CLINT1: variants seen among roughly 807,000 people sequenced by gnomAD.
CLINT1 encodes clathrin interactor 1, also known as clathrin interacting protein localized in the trans-Golgi region.
A neutral mutation model predicts 70.4 loss-of-function variants in CLINT1; 15 were observed. That is an observed-to-expected ratio of 0.21 (90% CI 0.14 to 0.33). CLINT1 has a LOEUF of 0.33. CLINT1 is among the 10% of genes least tolerant of loss of function. CLINT1 has a pLI of 1.00. For missense variants in CLINT1, 615 were observed against 778.1 expected, an observed-to-expected ratio of 0.79 and a Z score of 2.49; for synonymous variants, 227 against 254.7, an observed-to-expected ratio of 0.89 and a Z score of 1.04.
chr5:157,841,702 C>G (rs1444598395), intron 1 of CLINT1, among the ~76,000 whole-genome samples: 2 of 152,114 alleles, frequency 1.3e-5, no homozygotes, highest in Non-Finnish European at 2.9e-5. Flanking sequence ...CTCATTGAAG[C>G]CTCCATCTGC....
At chr5:157,822,141 T>A (rs560997246) in intron 1 of CLINT1, among the ~76,000 whole-genome samples, 2 of 152,248 alleles carry the variant, frequency 1.3e-5, no homozygotes, top group East Asian at 3.9e-4. Flanking sequence ...TGGGAGATAA[T>A]TTGAATCATG....
chr5:157,842,837 TCA>T (rs1486890337), intron 1 of CLINT1, among the ~76,000 whole-genome samples: 2 of 152,248 alleles, frequency 1.3e-5, no homozygotes, highest in Non-Finnish European at 2.9e-5. Context: ...AACTTCAGAC[TCA>T]CATCGTTTTG....
Position 157,794,938 on chromosome 5 carries a change from G to C in CLINT1, c.1047C>G (p.Asp349Glu), listed in dbSNP as rs1483011967. ...TGCCTGATGCAGCAGCTGAGCCAAA[G>C]TCAGCAAATCCTCCGAATAAATCAG... ...GSADLFGGFADFGSAAASGSF... is the reference protein window; with the variant it reads ...GSADLFGGFAEFGSAAASGSF... Residue 349 changes from aspartate to glutamate, a missense_variant, in exon 9 of 12, where the codon GAC becomes GAG. Asp to Glu is a conservative substitution (Grantham distance 45, BLOSUM62 2). This residue lies in a region of CLINT1 where 374 missense variants were observed against 409.6 expected (regional missense o/e 0.91). Coordinates refer to ENST00000411809, the MANE Select transcript of CLINT1 (RefSeq NM_014666.4). 3.9e-6 allele frequency: 6 copies of C among 1,556,768 alleles called. No individual in the cohort carries two copies. The African/African-American group carries it at 6.8e-5, about 18-fold the overall frequency.
At chr5:157,855,209 T>C (rs936086088) in intron 1 of CLINT1, among the ~76,000 whole-genome samples, 5 of 145,188 alleles carry the variant, frequency 3.4e-5, no homozygotes, top group African/African-American at 5.1e-5. Context: ...ATATTACTCC[T>C]TGCAAGGAAA....
intron 1 of CLINT1, among the ~76,000 whole-genome samples, chr5:157,818,169 G>A (rs186076077): frequency 2.0e-4 from 30 of 152,158 alleles, no homozygotes; most frequent in Non-Finnish European, 2.8e-4. Context: ...GAGATTGTAC[G>A]ATGGACACTT....
chr5:157,842,590 A>C (rs1173572478), intron 1 of CLINT1, among the ~76,000 whole-genome samples: 1 of 152,206 alleles, frequency 6.6e-6, no homozygotes, highest in Non-Finnish European at 1.5e-5. Context: ...TTATTAGAAA[A>C]ACTTTGTTGA....
chr5:157,855,314 T>A (rs1019625933), intron 1 of CLINT1, among the ~76,000 whole-genome samples: 7 of 152,048 alleles, frequency 4.6e-5, no homozygotes, highest in African/African-American at 1.7e-4. Context: ...AGAGAGAAAA[T>A]AGAACTGCAG....
At chr5:157,820,247 G>A (rs376263061) in intron 1 of CLINT1, among the ~76,000 whole-genome samples, 9 of 152,068 alleles carry the variant, frequency 5.9e-5, no homozygotes, top group African/African-American at 1.7e-4. Context: ...CTAGAAGTTC[G>A]ATACCAGCCT....
At position 157,858,988 on chromosome 5, in the gene CLINT1, G is replaced by A. The variant is rs773382507; in HGVS notation, c.-18C>T. The A allele has an allele frequency of 2.5e-6, 4 of 1,606,322 alleles. No homozygotes were observed. The highest frequency in any genetic ancestry group is 3.4e-6 in the Non-Finnish European group (4 of 1,176,002). ...TTCAACATCGTGCCCCGCGCGGGAC[G>A]GTCCGCCGCCTCCCTCTCCTGCTCC... On this transcript the variant is annotated 5_prime_UTR_variant, in exon 1 of 12. Transcript: ENST00000411809.
chr5:157,817,423 T>A lies in CLINT1; in HGVS notation c.146+20A>T, dbSNP rs769403503. The A allele has an allele frequency of 1.3e-6, 2 of 1,484,788 alleles. No individual in the cohort carries two copies. The highest frequency in any genetic ancestry group is 3.7e-5 in the Admixed American group (2 of 53,904). 92.0% of individuals were successfully genotyped at this position (1,484,788 alleles called of 1,614,324 possible). ...ATGCTTTGATTTTTTTCTGCACTGC[T>A]GAGTCAAATTATCACTTACTTGGCA... is the stretch of plus-strand genomic sequence containing the variant. On this transcript the variant is annotated intron_variant, in intron 2 of 11. Coordinates refer to ENST00000411809, the MANE Select transcript of CLINT1 (RefSeq NM_014666.4).
chr5:157,788,775 C>A (rs559920267), intron 11 of CLINT1, among the ~76,000 whole-genome samples: 1 of 152,182 alleles, frequency 6.6e-6, no homozygotes, highest in Admixed American at 6.5e-5. Flanking sequence ...CAAGACCAGA[C>A]TGGACAACAG....
intron 9 of CLINT1, among the ~76,000 whole-genome samples, chr5:157,793,079 T>C (rs1264367338): frequency 1.3e-5 from 2 of 152,224 alleles, no homozygotes; most frequent in Non-Finnish European, 2.9e-5. Context: ...TACATTCTTC[T>C]ATTACCATAT....
At chr5:157,802,631 C>T (rs184316510) in intron 8 of CLINT1, among the ~76,000 whole-genome samples, 128 of 151,682 alleles carry the variant, frequency 8.4e-4, no homozygotes, top group Admixed American at 2.8e-3. Flanking sequence ...CTGCAACCTC[C>T]GCCTCCCGGG....
At chr5:157,845,243 G>C (rs1231117196) in intron 1 of CLINT1, among the ~76,000 whole-genome samples, 1 of 152,064 alleles carries the variant, frequency 6.6e-6, no homozygotes, top group East Asian at 1.9e-4. Context: ...CAGCTACTTG[G>C]GAGGCTGAGG....
At chr5:157,836,119 T>A (rs992659045) in intron 1 of CLINT1, among the ~76,000 whole-genome samples, 10 of 152,234 alleles carry the variant, frequency 6.6e-5, no homozygotes, top group Non-Finnish European at 1.5e-4. Context: ...AAGCCAAGAC[T>A]GCTTTTTCTC....
intron 5 of CLINT1, among the ~76,000 whole-genome samples, chr5:157,810,701 A>AT (rs1762527949): frequency 6.6e-6 from 1 of 152,252 alleles, no homozygotes; most frequent in Admixed American, 6.5e-5. Context: ...AAGCAACAGT[A>AT]GAAGGTACAG....
rs1228332247 is a variant in CLINT1 at position 157,830,008 on chromosome 5, GTGCGATGA to G, written c.42-12469_42-12462del. Among the ~76,000 whole-genome samples the G allele has an allele frequency of 2.0e-5, 3 of 149,698 alleles. No homozygotes were observed. In the Middle Eastern group the frequency reaches 0.01, roughly 513 times the overall value. ...CTGTCACTCAGGCTGGAGTGCAGTG[GTGCGATGA>G]TGCCTGACTACAGTCTTGACCTCCC... On this transcript the variant is annotated intron_variant, in intron 1 of 11. Transcript: ENST00000411809.
At chr5:157,845,262 T>A (rs1321221502) in intron 1 of CLINT1, among the ~76,000 whole-genome samples, 1 of 151,924 alleles carries the variant, frequency 6.6e-6, no homozygotes, top group Admixed American at 6.6e-5. Context: ...GGCAGGAGAA[T>A]CACTTGAACC....
chr5:157,790,794 G>A (rs561336186), intron 10 of CLINT1: 5 of 288,888 alleles, frequency 1.7e-5, no homozygotes, highest in South Asian at 9.6e-5. Flanking sequence ...TAGGTAATTC[G>A]GATTTAACTA....
Sources: allele counts gnomAD v4.1 joint callset (sites outside exome capture counted in the v4.1 genomes callset), GRCh38; gene constraint gnomAD v4.1.1; regional missense constraint gnomAD v4.1.1; transcripts MANE v1.5; gene names NCBI Gene and HGNC (gene_info 2026-07-23, HGNC 2026-07-21).